ASH2L: variants seen among roughly 807,000 people sequenced by gnomAD.
ASH2L encodes set1/Ash2 histone methyltransferase complex subunit ASH2.
Under a neutral mutation model 81.1 loss-of-function variants are expected in ASH2L, and 30 were observed. The observed-to-expected ratio is 0.37, with a 90% CI of 0.28 to 0.50. ASH2L has a LOEUF of 0.50. ASH2L is among the 20% of genes least tolerant of loss of function. The pLI is 0.95. For missense variants in ASH2L, 559 were observed against 792.1 expected, an observed-to-expected ratio of 0.71 and a Z score of 3.53; for synonymous variants, 273 against 279.9, an observed-to-expected ratio of 0.98 and a Z score of 0.24.
At chr8:38,126,592 C>T (rs1048461791) in intron 10 of ASH2L, among the ~76,000 whole-genome samples, 4 of 152,164 alleles carry the variant, frequency 2.6e-5, no homozygotes, top group Admixed American at 6.5e-5. Context: ...CGGTGGCTCA[C>T]GCCTGTAATC....
At chr8:38,131,826 CTT>C (rs1371938957) in intron 12 of ASH2L, among the ~76,000 whole-genome samples, 5 of 139,720 alleles carry the variant, frequency 3.6e-5, no homozygotes. Flanking sequence ...GCTTTTTGGG[CTT>C]TTTTTTTTTT....
Position 38,128,743 on chromosome 8 carries a change from T to C in ASH2L, c.1334-15T>C. The stretch of plus-strand genomic sequence containing the variant: ...GCAATCTTCTGACTTCCTGTGTATG[T>C]TTTTATTGGGACAGGAAACCTTCAA... On this transcript the variant is annotated splice_polypyrimidine_tract_variant and intron_variant, in intron 11 of 15. Coordinates refer to ENST00000343823, the MANE Select transcript of ASH2L (RefSeq NM_004674.5). The C allele has an allele frequency of 1.2e-6, 2 of 1,602,146 alleles. No individual in the cohort carries two copies. The highest frequency in any genetic ancestry group is 1.7e-6 in the Non-Finnish European group (2 of 1,177,582).
At chr8:38,114,361 C>A in intron 6 of ASH2L, 74 bp downstream of exon 6, 3 of 933,476 alleles carry the variant, frequency 3.2e-6, no homozygotes, top group Non-Finnish European at 5.0e-6. Context: ...ATAATATCGT[C>A]TCATTGTGAA....
At chr8:38,120,483 C>T (rs1205841063) in intron 9 of ASH2L, among the ~76,000 whole-genome samples, 11 of 151,958 alleles carry the variant, frequency 7.2e-5, no homozygotes, top group Admixed American at 1.3e-4. Flanking sequence ...GATGGAATCT[C>T]GGCTCACTGC....
At chr8:38,118,837 C>A (rs1811016190) in intron 8 of ASH2L, among the ~76,000 whole-genome samples, 1 of 152,152 alleles carries the variant, frequency 6.6e-6, no homozygotes, top group South Asian at 2.1e-4. Context: ...TGAACATCGA[C>A]TTACAGTGAG....
chr8:38,116,942 A>G (rs1054498619), intron 8 of ASH2L, among the ~76,000 whole-genome samples: 12 of 152,234 alleles, frequency 7.9e-5, no homozygotes, highest in African/African-American at 2.9e-4. Flanking sequence ...TGAGTGAGAC[A>G]GGTTTAGCAT....
At chr8:38,126,895 G>A (rs530303968) in intron 10 of ASH2L, among the ~76,000 whole-genome samples, 2 of 150,464 alleles carry the variant, frequency 1.3e-5, no homozygotes, top group South Asian at 2.1e-4. Context: ...AACAGTTAAG[G>A]CCAGGTGCTG....
intron 14 of ASH2L, chr8:38,137,416 AG>A (rs1802306999): frequency 6.6e-6 from 1 of 151,776 alleles, no homozygotes; most frequent in African/African-American, 2.4e-5. Context: ...GAAAAAAAAA[AG>A]CTGGGCCTGG....
chr8:38,137,218 T>G (rs1802292892), intron 14 of ASH2L, among the ~76,000 whole-genome samples: 1 of 150,764 alleles, frequency 6.6e-6, no homozygotes, highest in African/African-American at 2.4e-5. Flanking sequence ...CTGGCCAACG[T>G]GGTGAAACCC....
chr8:38,118,629 G>A (rs552317576), intron 8 of ASH2L, among the ~76,000 whole-genome samples: 52 of 152,328 alleles, frequency 3.4e-4, no homozygotes, highest in African/African-American at 1.2e-3. Context: ...CTAGCAAATC[G>A]AAAGCCTTCT....
At chr8:38,121,767 C>T (rs1002774173) in intron 10 of ASH2L, among the ~76,000 whole-genome samples, 8 of 152,106 alleles carry the variant, frequency 5.3e-5, no homozygotes, top group Non-Finnish European at 7.4e-5. Flanking sequence ...AAGAATAACA[C>T]GGAAACAATG....
At chr8:38,106,770 C>CAA (rs1256184738) in intron 2 of ASH2L, among the ~76,000 whole-genome samples, 1 of 151,920 alleles carries the variant, frequency 6.6e-6, no homozygotes, top group Non-Finnish European at 1.5e-5. Context: ...CTCAGCCTCC[C>CAA]AGAGTGTTGG....
chr8:38,133,399 CATG>C, intron 12 of ASH2L, 52 bp from the exon 13 acceptor site: 1 of 1,305,666 alleles, frequency 7.7e-7, no homozygotes, highest in East Asian at 2.3e-5. Flanking sequence ...GCGTTTTTTT[CATG>C]ATGATGGAGC....
chr8:38,110,798 G>A lies in ASH2L; in HGVS notation c.550G>A (p.Asp184Asn), dbSNP rs752809683. The change falls in exon 5 of 16, where the codon GAT becomes AAT. Residue 184 changes from aspartate (D) to asparagine (N), a missense_variant. Physicochemically the swap from Asp to Asn is conservative, Grantham distance 23. Transcript: ENST00000343823. ...CCTGACATGGCAGTCCCGAACACAG[G>A]ATGAACATCCGAAGACAATGTTCTC... Reference protein sequence around the residue: ...ANLTWQSRTQDEHPKTMFSKD... With the variant: ...ANLTWQSRTQNEHPKTMFSKD... 6.2e-7 allele frequency: 1 copy of A among 1,613,828 alleles called. No individual in the cohort carries two copies. The highest frequency in any genetic ancestry group is 1.3e-5 in the African/African-American group (1 of 74,932).
In ASH2L at chr8:38,107,270, T is replaced by C. The variant is rs1004731312; in HGVS notation, c.401+104T>C. 9 of 1,422,470 alleles carry C rather than the reference T, an allele frequency of 6.3e-6. No individual in the cohort carries two copies. In the African/African-American group the frequency reaches 1.3e-4, roughly 20 times the overall value. The allele number at this position is 1,422,470 out of a possible 1,614,324, so 88.1% of individuals were successfully genotyped here. A position where few individuals can be genotyped will look rare whatever the true frequency, so the allele number is the denominator to read the frequency against. On this transcript the variant is annotated intron_variant, in intron 3 of 15. Coordinates refer to ENST00000343823, the MANE Select transcript of ASH2L (RefSeq NM_004674.5). ...AAATAAATGCAAAGTATTTCCTATG[T>C]CTCCTAACCCCTATTCAGCAAGTAG...
chr8:38,109,345 G>C (rs973012670), intron 3 of ASH2L, among the ~76,000 whole-genome samples: 3 of 152,198 alleles, frequency 2.0e-5, no homozygotes, highest in Non-Finnish European at 4.4e-5. Context: ...AGAATGTTTC[G>C]TAATTCCATG....
In ASH2L at chr8:38,139,525, A is replaced by G. The variant is rs1318772526; in HGVS notation, c.*454A>G. 1 of 153,896 alleles carries G rather than the reference A, an allele frequency of 6.5e-6. No individual in the cohort carries two copies. Among genetic ancestry groups the G allele is most frequent in the Non-Finnish European group, 1.5e-5 (1 of 68,938 alleles). 9.5% of individuals were successfully genotyped at this position (153,896 alleles called of 1,614,324 possible). On this transcript the variant is annotated 3_prime_UTR_variant, in exon 16 of 16. Transcript: ENST00000343823. ...CTGAAATCAATGGCTATACATTCCA[A>G]ACCAATCTAAACGCTATTTCCTTTT... is the stretch of plus-strand genomic sequence containing the variant.
chr8:38,139,072 C>T lies in ASH2L; in HGVS notation c.*1C>T, dbSNP rs1802382228. The T allele has an allele frequency of 2.5e-6, 4 of 1,575,346 alleles. No homozygotes were observed. The highest frequency in any genetic ancestry group is 2.3e-5 in the East Asian group (1 of 43,982). ...GCGCAGTCCCCCATGGGAACCCTGA[C>T]CAGGTCCCTCTTTTCTGTCAAGGAC... On this transcript the variant is annotated 3_prime_UTR_variant, in exon 16 of 16. Coordinates refer to ENST00000343823, the MANE Select transcript of ASH2L (RefSeq NM_004674.5).
Position 38,128,370 on chromosome 8 carries a change from A to C in ASH2L, c.1245A>C (p.Gly415=). ...KGYSMVRASH[G]VRKGAWYFEI... The stretch of plus-strand genomic sequence containing the variant: ...ACTCTATGGTGAGGGCCTCTCATGG[A>C]GTACGGAAAGGTGCCTGGTATTTTG... Residue 415 remains glycine (G), a synonymous_variant, in exon 11 of 16, where the codon GGA becomes GGC. Transcript: ENST00000343823. 1 of 1,614,132 alleles carries C rather than the reference A, an allele frequency of 6.2e-7. No homozygotes were observed. The highest frequency in any genetic ancestry group is 8.5e-7 in the Non-Finnish European group (1 of 1,180,026).
Sources: allele counts gnomAD v4.1 joint callset (sites outside exome capture counted in the v4.1 genomes callset), GRCh38; gene constraint gnomAD v4.1.1; transcripts MANE v1.5; gene names NCBI Gene and HGNC (gene_info 2026-07-23, HGNC 2026-07-21).